Variants in CLASP1 observed in about 807,000 individuals in gnomAD.
CLASP1 encodes CLIP-associating protein 1.
A neutral mutation model predicts 192.3 loss-of-function variants in CLASP1; 38 were observed. The observed-to-expected ratio is 0.20, with a 90% CI of 0.15 to 0.26. The LOEUF (loss-of-function observed/expected upper bound fraction) is 0.26, where lower values mean the gene tolerates loss of function less well. Ranked by LOEUF, CLASP1 falls within the 10% of genes least tolerant of loss-of-function variation. The pLI, the probability that CLASP1 is intolerant of heterozygous loss-of-function variation, is 1.00. For synonymous variants in CLASP1, 691 were observed against 712.8 expected, an observed-to-expected ratio of 0.97 and a Z score of 0.49; for missense variants, 1,433 against 1,932.5, an observed-to-expected ratio of 0.74 and a Z score of 4.85.
At chr2:121,369,861 T>C (rs1028583276) in intron 34 of CLASP1, among the ~76,000 whole-genome samples, 2 of 152,222 alleles carry the variant, frequency 1.3e-5, no homozygotes, top group African/African-American at 4.8e-5. Context: ...GAGTTCTTTC[T>C]TTAGTGTAGA....
chr2:121,362,031 C>T (rs1426888115), intron 37 of CLASP1, among the ~76,000 whole-genome samples: 1 of 152,180 alleles, frequency 6.6e-6, no homozygotes, highest in African/African-American at 2.4e-5. Flanking sequence ...CACACAAACG[C>T]CAAACAGAAC....
chr2:121,441,020 C>T (rs2083245817), intron 19 of CLASP1, among the ~76,000 whole-genome samples: 1 of 152,080 alleles, frequency 6.6e-6, no homozygotes, highest in Non-Finnish European at 1.5e-5. Context: ...TAATACTGCT[C>T]CTAAGGATTC....
At chr2:121,494,196 C>A (rs1439639742) in intron 8 of CLASP1, among the ~76,000 whole-genome samples, 1 of 152,166 alleles carries the variant, frequency 6.6e-6, no homozygotes, top group Non-Finnish European at 1.5e-5. Context: ...TTTAAAGCAA[C>A]CTAAGTGTCC....
At chr2:121,556,865 C>T (rs1453648288) in intron 2 of CLASP1, among the ~76,000 whole-genome samples, 2 of 152,140 alleles carry the variant, frequency 1.3e-5, no homozygotes, top group Non-Finnish European at 2.9e-5. Flanking sequence ...TACCAAAATA[C>T]AAATAAAGAG....
At chr2:121,428,439 G>C (rs1333938516) in intron 20 of CLASP1, among the ~76,000 whole-genome samples, 2 of 152,164 alleles carry the variant, frequency 1.3e-5, no homozygotes, top group African/African-American at 4.8e-5. Context: ...CCTAGATTCT[G>C]AGATTTGAAC....
intron 14 of CLASP1, among the ~76,000 whole-genome samples, chr2:121,452,415 AC>A (rs2085676267): frequency 6.6e-6 from 1 of 152,050 alleles, no homozygotes; most frequent in African/African-American, 2.4e-5. Flanking sequence ...AAGCCTTTTC[AC>A]TTTTATGATT....
At chr2:121,430,074 C>T (rs1035115283) in exon 20 of CLASP1, 20 of 1,560,666 alleles carry the variant, frequency 1.3e-5, no homozygotes, top group Non-Finnish European at 1.7e-5. Flanking sequence ...GTTTCTTACG[C>T]TGGGACTGTG....
At chr2:121,520,194 C>T (rs1227475882) in intron 6 of CLASP1, among the ~76,000 whole-genome samples, 1 of 152,206 alleles carries the variant, frequency 6.6e-6, no homozygotes, top group Admixed American at 6.5e-5. Flanking sequence ...GAGCACCTCT[C>T]TGGGGGCAAG....
intron 37 of CLASP1, among the ~76,000 whole-genome samples, chr2:121,351,121 C>A (rs572271283): frequency 6.6e-6 from 1 of 152,152 alleles, no homozygotes; most frequent in Non-Finnish European, 1.5e-5. Context: ...CCCCAGCATA[C>A]GGGAGGTGCT....
At chr2:121,523,862 A>G (rs2094511176) in intron 6 of CLASP1, among the ~76,000 whole-genome samples, 1 of 152,220 alleles carries the variant, frequency 6.6e-6, no homozygotes, top group Non-Finnish European at 1.5e-5. Flanking sequence ...ACAGGCCCAC[A>G]GCATGAGCTC....
In CLASP1 at chr2:121,569,838, C is replaced by CA. The variant is rs1010999432; in HGVS notation, c.195+35862dup. 1.3e-3 allele frequency among the ~76,000 whole-genome samples: 181 copies of CA among 144,186 alleles called. No homozygotes were observed. The East Asian group carries it at 0.013, about 11-fold the overall frequency. The allele number at this position is 144,186 out of a possible 152,430, so 94.6% of individuals were successfully genotyped here. On this transcript the variant is annotated intron_variant, in intron 2 of 39. Transcript: ENST00000263710. ...CCTGGCAAAGAGGGAGACTCTGTCT[C>CA]AAAAAAAAAAAGATTACTTGGAATG...
chr2:121,531,047 A>C (rs1420670008), intron 2 of CLASP1: 2 of 698,122 alleles, frequency 2.9e-6, no homozygotes, highest in Non-Finnish European at 5.2e-6. Flanking sequence ...TTCAAACAGC[A>C]GTAATTCGTA....
intron 2 of CLASP1, among the ~76,000 whole-genome samples, chr2:121,560,860 A>G (rs987174955): frequency 1.3e-5 from 2 of 152,084 alleles, no homozygotes; most frequent in African/African-American, 4.8e-5. Context: ...TCAGCCTCCC[A>G]AGTAGCCAGG....
At chr2:121,412,192 C>T (rs770885779) in intron 23 of CLASP1, among the ~76,000 whole-genome samples, 8 of 152,058 alleles carry the variant, frequency 5.3e-5, no homozygotes, top group Non-Finnish European at 1.2e-4. Context: ...CTTCCACCAC[C>T]ACAGAAATGG....
intron 30 of CLASP1, 88 bp downstream of exon 31, chr2:121,397,052 G>A (rs1208963639): frequency 1.5e-6 from 2 of 1,328,842 alleles, no homozygotes; most frequent in African/African-American, 2.9e-5. Context: ...TTGTGGGTGG[G>A]TGGCACGGTT....
chr2:121,511,694 A>T (rs1379782345), intron 7 of CLASP1, among the ~76,000 whole-genome samples: 2 of 152,216 alleles, frequency 1.3e-5, no homozygotes, highest in East Asian at 3.8e-4. Flanking sequence ...ATACCTGCCA[A>T]TTATTAGGAG....
At chr2:121,631,268 C>G (rs2069591926) in intron 1 of CLASP1, among the ~76,000 whole-genome samples, 2 of 143,568 alleles carry the variant, frequency 1.4e-5, no homozygotes, top group African/African-American at 5.0e-5. Flanking sequence ...TGACATGTTT[C>G]TACGCCATTT....
chr2:121,557,769 A>G (rs1359109308), intron 2 of CLASP1, among the ~76,000 whole-genome samples: 1 of 151,792 alleles, frequency 6.6e-6, no homozygotes, highest in African/African-American at 2.4e-5. Context: ...AAAAAAAGAA[A>G]AAAGAAAAAA....
chr2:121,506,398 C>T (rs938562630), intron 7 of CLASP1, among the ~76,000 whole-genome samples: 3 of 151,384 alleles, frequency 2.0e-5, no homozygotes, highest in African/African-American at 4.9e-5. Flanking sequence ...TTCCCTGAGG[C>T]GATGATCAAA....
Sources: gnomAD v4.1 joint callset for allele counts (sites outside exome capture counted in the v4.1 genomes callset) on GRCh38, gnomAD v4.1.1 for gene constraint, MANE v1.5 for transcripts, NCBI Gene and HGNC (gene_info 2026-07-23, HGNC 2026-07-21) for gene names.